ZNF70: variants seen among roughly 807,000 people sequenced by gnomAD.
ZNF70 encodes the protein zinc finger protein 70, also known as zinc finger protein N27C7-1.
ZNF70 carries 18 observed loss-of-function variants against 37.7 expected under a neutral mutation model. The observed-to-expected ratio is 0.48, with a 90% confidence interval of 0.33 to 0.71. The LOEUF is 0.71. ZNF70 is among the 30% of genes least tolerant of loss of function. ZNF70 has a pLI of 0.02. For missense variants in ZNF70, 506 were observed against 568.6 expected (o/e 0.89, Z 1.12); for synonymous variants, 219 against 220.1 (o/e 0.99, Z 0.05).
At position 23,743,527 on chromosome 22, in the gene ZNF70, CA is replaced by C. The variant is rs990023249; in HGVS notation, c.*272del. The C allele has an allele frequency of 7.3e-6, 3 of 413,616 alleles. No individual in the cohort carries two copies. The highest frequency in any genetic ancestry group is 6.0e-5 in the African/African-American group (3 of 50,072). The allele number at this position is 413,616 out of a possible 1,614,324, so 25.6% of individuals were successfully genotyped here. A position where few individuals can be genotyped will look rare whatever the true frequency, so the allele number is the denominator to read the frequency against. On this transcript the variant is annotated 3_prime_UTR_variant, in exon 2 of 2. Coordinates refer to ENST00000341976, the MANE Select transcript of ZNF70 (RefSeq NM_021916.4). ...AATGAAATCCTGTAGGCTTGGGAGT[CA>C]AATGCAAGAAGGAGAAACTGAAGGC... is the stretch of plus-strand genomic sequence containing the variant.
intron 1 of ZNF70, among the ~76,000 whole-genome samples, chr22:23,746,201 C>CTTTTTTTT (rs760293135): frequency 1.1e-4 from 12 of 114,232 alleles, no homozygotes; most frequent in Non-Finnish European, 1.8e-4. Context: ...TGGTGGTTCC[C>CTTTTTTTT]TTTTTTTTTT....
rs776432904 is a variant in ZNF70, at chr22:23,744,401, G to A, written c.740C>T (p.Thr247Ile). 1 of 1,614,134 alleles carries A rather than the reference G, an allele frequency of 6.2e-7. No individual in the cohort carries two copies. Among genetic ancestry groups the A allele is most frequent in the African/African-American group, 1.3e-5 (1 of 75,014 alleles). Residue 247 changes from threonine to isoleucine, a missense_variant, in exon 2 of 2, where the codon ACA (threonine) becomes ATA (isoleucine). Coordinates refer to ENST00000341976, the MANE Select transcript of ZNF70 (RefSeq NM_021916.4). ...CTTACACTGATAAGGTCTCTCTCCT[G>A]TATGAATTCTCTCGTGTTTTCTGAG... ...SSLRKHERIH[T>I]GERPYQCKEC...
Position 23,740,111 on chromosome 22 carries a change from C to A in ZNF70, c.*3689G>T, listed in dbSNP as rs1238936440. 1 of 151,204 alleles carries A rather than the reference C, an allele frequency of 6.6e-6. No homozygotes were observed. Among genetic ancestry groups the A allele is most frequent in the African/African-American group, 2.4e-5 (1 of 41,238 alleles). 9.4% of individuals were successfully genotyped at this position (151,204 alleles called of 1,614,324 possible). On this transcript the variant is annotated 3_prime_UTR_variant, in exon 2 of 2. Transcript: ENST00000341976. Reference sequence around the variant, plus strand: ...GGATCACGAGCTCAGGAGATAGATACCATCTTGGCTAACACGGTGAAACCC... The same window carrying A: ...GGATCACGAGCTCAGGAGATAGATAACATCTTGGCTAACACGGTGAAACCC...
chr22:23,744,432 A>T lies in ZNF70; in HGVS notation c.709T>A (p.Ser237Thr), dbSNP rs761980454. 3.1e-6 allele frequency: 5 copies of T among 1,613,748 alleles called. No homozygotes were observed. Among genetic ancestry groups the T allele is most frequent in the Non-Finnish European group, 4.2e-6 (5 of 1,180,000 alleles). The change falls in exon 2 of 2, where the codon TCC becomes ACC. Residue 237 changes from serine (S) to threonine (T), a missense_variant. By Grantham distance (58) the Ser-to-Thr change is moderately conservative. Transcript: ENST00000341976. ...RECGKDFSRS[S>T]SLRKHERIHT... ...ATTCTCTCGTGTTTTCTGAGGCTGG[A>T]GCTCCGGCTGAAATCTTTCCCGCAT...
intron 1 of ZNF70, among the ~76,000 whole-genome samples, chr22:23,747,544 A>G (rs1925170604): frequency 6.6e-6 from 1 of 152,134 alleles, no homozygotes; most frequent in Admixed American, 6.6e-5. Flanking sequence ...TAAATAAAAC[A>G]GACAAGTCCG....
In ZNF70 at chr22:23,739,136, G is replaced by A. The variant is rs1479128300; in HGVS notation, c.*4664C>T. The A allele has an allele frequency of 6.6e-6, 1 of 152,142 alleles. No homozygotes were observed. The highest frequency in any genetic ancestry group is 1.5e-5 in the Non-Finnish European group (1 of 68,024). 9.4% of individuals were successfully genotyped at this position (152,142 alleles called of 1,614,324 possible). A position where few individuals can be genotyped will look rare whatever the true frequency, so the allele number is the denominator to read the frequency against. On this transcript the variant is annotated 3_prime_UTR_variant, in exon 2 of 2. Transcript: ENST00000341976. ...AACTGGTAGAATAAAAACACATTTT[G>A]AGATTACACAAATGCTTTTATAAAA... is the stretch of plus-strand genomic sequence containing the variant.
chr22:23,745,163 A>G lies in ZNF70; in HGVS notation c.-23T>C, dbSNP rs202179692. The G allele has an allele frequency of 5.1e-5, 81 of 1,597,928 alleles. No individual in the cohort carries two copies. The highest frequency in any genetic ancestry group is 2.4e-4 in the Admixed American group (14 of 57,898). Reference sequence around the variant, plus strand: ...CATTGTGAATCTGCTATCATCCCCAATGGTTGTATTTCTTTAAAAATGTTC... The same window carrying G: ...CATTGTGAATCTGCTATCATCCCCAGTGGTTGTATTTCTTTAAAAATGTTC... On this transcript the variant is annotated 5_prime_UTR_variant, in exon 2 of 2. Coordinates refer to ENST00000341976, the MANE Select transcript of ZNF70 (RefSeq NM_021916.4).
Position 23,744,454 on chromosome 22 carries a change from G to A in ZNF70, c.687C>T (p.Cys229=), listed in dbSNP as rs953276623. Residue 229 remains cysteine, a synonymous_variant, in exon 2 of 2, where the codon TGC becomes TGT. Transcript: ENST00000341976. ...TGKRPYECRE[C]GKDFSRSSSL... The stretch of plus-strand genomic sequence containing the variant: ...TGGAGCTCCGGCTGAAATCTTTCCC[G>A]CATTCCCTGCACTCGTAGGGCCTCT... 18 of 1,613,390 alleles carry A rather than the reference G, an allele frequency of 1.1e-5. No individual in the cohort carries two copies. Among genetic ancestry groups the A allele is most frequent in the African/African-American group, 5.4e-5 (4 of 74,658 alleles).
intron 1 of ZNF70, among the ~76,000 whole-genome samples, chr22:23,749,075 A>G (rs1299818955): frequency 6.6e-6 from 1 of 151,778 alleles, no homozygotes; most frequent in African/African-American, 2.4e-5. Context: ...TTAAAAATAC[A>G]AAAAAGGCCG....
At position 23,744,311 on chromosome 22, in the gene ZNF70, T is replaced by C. The variant is rs767819197; in HGVS notation, c.830A>G (p.Lys277Arg). ...LSQHRKIHTLKKPHECDLCGK... is the reference protein window; with the variant it reads ...LSQHRKIHTLRKPHECDLCGK... The stretch of plus-strand genomic sequence containing the variant: ...ACAGAGATCGCACTCGTGAGGTTTC[T>C]TTAGGGTGTGGATCTTCCGATGCTG... Residue 277 changes from lysine (K) to arginine (R), a missense_variant, in exon 2 of 2, where the codon AAG (lysine) becomes AGG (arginine). Physicochemically the swap from Lys to Arg is conservative, Grantham distance 26. Coordinates refer to ENST00000341976, the MANE Select transcript of ZNF70 (RefSeq NM_021916.4). 6.2e-7 allele frequency: 1 copy of C among 1,614,132 alleles called. No individual in the cohort carries two copies. The highest frequency in any genetic ancestry group is 8.5e-7 in the Non-Finnish European group (1 of 1,180,018).
At position 23,743,662 on chromosome 22, in the gene ZNF70, A is replaced by C; in HGVS notation, c.*138T>G. On this transcript the variant is annotated 3_prime_UTR_variant, in exon 2 of 2. Coordinates refer to ENST00000341976, the MANE Select transcript of ZNF70 (RefSeq NM_021916.4). ...CAGGGCCACACAGGGCCTTCCTGCT[A>C]GTGGGATGTTCAAGAGCGCTTAGGT... 3.3e-6 allele frequency: 4 copies of C among 1,213,156 alleles called. No individual in the cohort carries two copies. Among genetic ancestry groups the C allele is most frequent in the Non-Finnish European group, 4.6e-6 (4 of 869,900 alleles). 75.1% of individuals were successfully genotyped at this position (1,213,156 alleles called of 1,614,324 possible). A position where few individuals can be genotyped will look rare whatever the true frequency, so the allele number is the denominator to read the frequency against.
rs191480142 is a variant in ZNF70, at chr22:23,745,176, T to C, written c.-36A>G. 1 of 1,578,852 alleles carries C rather than the reference T, an allele frequency of 6.3e-7. No individual in the cohort carries two copies. The highest frequency in any genetic ancestry group is 2.2e-5 in the East Asian group (1 of 44,474). ...CTATCATCCCCAATGGTTGTATTTC[T>C]TTAAAAATGTTCTTCTTTGGGCCAC... On this transcript the variant is annotated 5_prime_UTR_variant, in exon 2 of 2. Transcript: ENST00000341976.
rs192857320 is a variant in ZNF70, at chr22:23,741,370, G to A, written c.*2430C>T. 4 of 152,348 alleles carry A rather than the reference G, an allele frequency of 2.6e-5. No homozygotes were observed. The highest frequency in any genetic ancestry group is 2.0e-4 in the Admixed American group (3 of 15,294). 9.4% of individuals were successfully genotyped at this position (152,348 alleles called of 1,614,324 possible). Reference sequence around the variant, plus strand: ...GGCCTGAAATGACAGGCCACTTGCAGGCAATGCCCAGGGCACCATCCAGTC... The same window carrying A: ...GGCCTGAAATGACAGGCCACTTGCAAGCAATGCCCAGGGCACCATCCAGTC... On this transcript the variant is annotated 3_prime_UTR_variant, in exon 2 of 2. Coordinates refer to ENST00000341976, the MANE Select transcript of ZNF70 (RefSeq NM_021916.4).
chr22:23,744,295 G>A lies in ZNF70; in HGVS notation c.846C>T (p.Cys282=), dbSNP rs144085967. ...GACAAAAGGCTTTCCCACAGAGATC[G>A]CACTCGTGAGGTTTCTTTAGGGTGT... ...KIHTLKKPHE[C]DLCGKAFCHR... The change falls in exon 2 of 2, where the codon TGC becomes TGT. Residue 282 remains cysteine, a synonymous_variant. Coordinates refer to ENST00000341976, the MANE Select transcript of ZNF70 (RefSeq NM_021916.4). 34 of 1,613,924 alleles carry A rather than the reference G, an allele frequency of 2.1e-5. No homozygotes were observed. The highest frequency in any genetic ancestry group is 1.1e-4 in the African/African-American group (8 of 74,876).
At position 23,740,169 on chromosome 22, in the gene ZNF70, G is replaced by A. The variant is rs1170784484; in HGVS notation, c.*3631C>T. On this transcript the variant is annotated 3_prime_UTR_variant, in exon 2 of 2. Coordinates refer to ENST00000341976, the MANE Select transcript of ZNF70 (RefSeq NM_021916.4). ...ATTAAAAATACAAAAAATTAGCCGG[G>A]CGTGGTGGCGGGTGCCTGTAGTCCC... 2 of 151,576 alleles carry A rather than the reference G, an allele frequency of 1.3e-5. No homozygotes were observed. The highest frequency in any genetic ancestry group is 4.8e-5 in the African/African-American group (2 of 41,294). The allele number at this position is 151,576 out of a possible 1,614,324, so 9.4% of individuals were successfully genotyped here. A position where few individuals can be genotyped will look rare whatever the true frequency, so the allele number is the denominator to read the frequency against.
rs1371445179 is a variant in ZNF70 at position 23,743,791 on chromosome 22, C to T, written c.*9G>A. The T allele has an allele frequency of 1.2e-6, 2 of 1,606,114 alleles. No homozygotes were observed. Among genetic ancestry groups the T allele is most frequent in the African/African-American group, 2.7e-5 (2 of 74,422 alleles). ...CACAGGCTTTCAAGCTTTGTGTGGG[C>T]TCCTCTTTCTATAGCTTCTCCCCAG... On this transcript the variant is annotated 3_prime_UTR_variant, in exon 2 of 2. Transcript: ENST00000341976.
chr22:23,744,680 T>C lies in ZNF70; in HGVS notation c.461A>G (p.His154Arg). ...GTGGATCACCAGGTGTCGGAGCAGGTGCGAGCTCTGGCTGAAGGCCTTCCC... is the reference window on the plus strand; with the variant it reads ...GTGGATCACCAGGTGTCGGAGCAGGCGCGAGCTCTGGCTGAAGGCCTTCCC... ...ECGKAFSQSS[H>R]LLRHLVIHTG... Residue 154 changes from histidine (H) to arginine (R), a missense_variant, in exon 2 of 2, where the codon CAC becomes CGC. Physicochemically the swap from His to Arg is conservative, Grantham distance 29. Coordinates refer to ENST00000341976, the MANE Select transcript of ZNF70 (RefSeq NM_021916.4). 1.9e-6 allele frequency: 3 copies of C among 1,613,544 alleles called. No individual in the cohort carries two copies. The highest frequency in any genetic ancestry group is 1.1e-5 in the South Asian group (1 of 91,030).
At position 23,745,238 on chromosome 22, in the gene ZNF70, A is replaced by T; in HGVS notation, c.-79-19T>A. 7.3e-7 allele frequency: 1 copy of T among 1,374,824 alleles called. No homozygotes were observed. The highest frequency in any genetic ancestry group is 9.9e-7 in the Non-Finnish European group (1 of 1,005,564). 85.2% of individuals were successfully genotyped at this position (1,374,824 alleles called of 1,614,324 possible). The stretch of plus-strand genomic sequence containing the variant: ...TCACAATCTGAAAAGAAAACAGGGA[A>T]CTCTGTCAAGTCAGCAAGTCAAGCA... On this transcript the variant is annotated intron_variant, in intron 1 of 1. Transcript: ENST00000341976.
Position 23,742,950 on chromosome 22 carries a change from A to C in ZNF70, c.*850T>G, listed in dbSNP as rs1388338187. The C allele has an allele frequency of 6.6e-6, 1 of 152,534 alleles. No homozygotes were observed. The allele number at this position is 152,534 out of a possible 1,614,324, so 9.4% of individuals were successfully genotyped here. On this transcript the variant is annotated 3_prime_UTR_variant, in exon 2 of 2. Transcript: ENST00000341976. ...CCTGACACTGGGGCAGGAGGGCTGC[A>C]TCATTGCCAGAACAGACCAGACCCA...
Sources: allele counts gnomAD v4.1 joint callset (sites outside exome capture counted in the v4.1 genomes callset), GRCh38; gene constraint gnomAD v4.1.1; transcripts MANE v1.5; gene names NCBI Gene and HGNC (gene_info 2026-07-23, HGNC 2026-07-21).